Variants in RBMS3 observed in about 807,000 individuals in gnomAD.
RBMS3 encodes RNA-binding motif, single-stranded-interacting protein 3.
A neutral mutation model predicts 66.8 loss-of-function variants in RBMS3; 27 were observed. The ratio of observed to expected loss-of-function variants is 0.40; its 90% confidence interval spans 0.30 to 0.56. RBMS3 has a LOEUF of 0.56. RBMS3 is among the 20% of genes least tolerant of loss of function. The probability of loss-of-function intolerance (pLI) is 0.40; values close to 1 mark genes in which losing one functional copy is unlikely to be tolerated. For missense variants in RBMS3, 513 were observed against 549.5 expected (o/e 0.93, Z 0.66); for synonymous variants, 188 against 183.0 (o/e 1.03, Z -0.22).
At chr3:29,344,212 G>C (rs997226018) in intron 1 of RBMS3, among the ~76,000 whole-genome samples, 1 of 151,942 alleles carries the variant, frequency 6.6e-6, no homozygotes, top group Non-Finnish European at 1.5e-5. Context: ...TATTTGTAAG[G>C]AAAGCCTTTT....
chr3:29,838,549 C>T (rs962334771), intron 6 of RBMS3, among the ~76,000 whole-genome samples: 44 of 152,102 alleles, frequency 2.9e-4, no homozygotes, highest in African/African-American at 1.0e-3. Context: ...TAATAAGAAA[C>T]ATATTACCTT....
At chr3:29,622,419 A>G (rs1471167007) in intron 4 of RBMS3, among the ~76,000 whole-genome samples, 1 of 152,198 alleles carries the variant, frequency 6.6e-6, no homozygotes, top group African/African-American at 2.4e-5. Context: ...GAGAGTGTGC[A>G]TGGGCAATTA....
intron 1 of RBMS3, among the ~76,000 whole-genome samples, chr3:29,331,966 A>C (rs377180777): frequency 6.6e-6 from 1 of 151,780 alleles, no homozygotes; most frequent in African/African-American, 2.4e-5. Flanking sequence ...TGGACTGTGA[A>C]CTCTTTGGGG....
chr3:29,803,224 C>T (rs1456758948), intron 6 of RBMS3, among the ~76,000 whole-genome samples: 3 of 152,080 alleles, frequency 2.0e-5, no homozygotes, highest in Admixed American at 6.6e-5. Flanking sequence ...TTTTATTCTG[C>T]CACTTTCTTA....
At chr3:29,887,775 C>T (rs912323799) in intron 8 of RBMS3, among the ~76,000 whole-genome samples, 1 of 151,734 alleles carries the variant, frequency 6.6e-6, no homozygotes, top group Non-Finnish European at 1.5e-5. Flanking sequence ...AAATGTGGAA[C>T]TGAAGTTAGG....
At chr3:29,603,647 T>A (rs2048225202) in intron 4 of RBMS3, among the ~76,000 whole-genome samples, 1 of 152,000 alleles carries the variant, frequency 6.6e-6, no homozygotes, top group Admixed American at 6.6e-5. Flanking sequence ...TATTGATTCA[T>A]TCAGCATAAA....
intron 4 of RBMS3, among the ~76,000 whole-genome samples, chr3:29,737,894 A>AAG (rs3070728): frequency 0.55 from 81,464 of 148,300 alleles, 22,834 homozygotes; most frequent in African/African-American, 0.7. Flanking sequence ...GTGACAGAGA[A>AAG]AGAGAGGGAG....
chr3:29,684,851 T>A (rs914667143), intron 4 of RBMS3, among the ~76,000 whole-genome samples: 4 of 151,954 alleles, frequency 2.6e-5, no homozygotes, highest in Non-Finnish European at 5.9e-5. Flanking sequence ...ATGGTCTTTG[T>A]GTACAGAAAA....
chr3:29,894,629 C>T (rs1328614699), intron 8 of RBMS3, among the ~76,000 whole-genome samples: 1 of 151,518 alleles, frequency 6.6e-6, no homozygotes, highest in Non-Finnish European at 1.5e-5. Context: ...AAGACAACCA[C>T]AGTAGGGGTT....
chr3:29,612,753 A>C (rs1289133748), intron 4 of RBMS3, among the ~76,000 whole-genome samples: 1 of 152,250 alleles, frequency 6.6e-6, no homozygotes, highest in East Asian at 1.9e-4. Context: ...TTAGTAACAC[A>C]TGATTGCTTT....
chr3:29,746,770 GA>G lies in RBMS3; in HGVS notation c.557+6895del, dbSNP rs3836345. Reference sequence around the variant, plus strand: ...ATTGCATCAAATAACTTGTTATTCTGAAGTCTCCGAGACGGCAGTCTTGTTG... The same window carrying G: ...ATTGCATCAAATAACTTGTTATTCTGAGTCTCCGAGACGGCAGTCTTGTTG... On this transcript the variant is annotated intron_variant, in intron 5 of 14. Transcript: ENST00000383767. Among the ~76,000 whole-genome samples the G allele has an allele frequency of 4.1e-3, 622 of 152,238 alleles. 15 individuals carry two copies. Among genetic ancestry groups the G allele is most frequent in the Admixed American group, 0.035 (528 of 15,276 alleles).
At chr3:29,647,440 A>C (rs1050838526) in intron 4 of RBMS3, among the ~76,000 whole-genome samples, 1 of 152,250 alleles carries the variant, frequency 6.6e-6, no homozygotes, top group Non-Finnish European at 1.5e-5. Flanking sequence ...GCTACGATTC[A>C]AAGTTTTCCC....
chr3:29,319,667 A>G (rs1335385666), intron 1 of RBMS3, among the ~76,000 whole-genome samples: 2 of 152,004 alleles, frequency 1.3e-5, no homozygotes, highest in Non-Finnish European at 2.9e-5. Context: ...TTGCACAGTA[A>G]ATATGAAATT....
intron 6 of RBMS3, among the ~76,000 whole-genome samples, chr3:29,838,336 C>T (rs2058579999): frequency 6.6e-6 from 1 of 151,728 alleles, no homozygotes; most frequent in Non-Finnish European, 1.5e-5. Flanking sequence ...GAGACCCTGT[C>T]CAAAAATAAA....
chr3:29,425,332 C>A (rs1312607527), intron 1 of RBMS3, among the ~76,000 whole-genome samples: 1 of 151,494 alleles, frequency 6.6e-6, no homozygotes, highest in Non-Finnish European at 1.5e-5. Context: ...CGAGATTGTG[C>A]CATTGCACTC....
intron 2 of RBMS3, among the ~76,000 whole-genome samples, chr3:29,447,161 C>T (rs1222516181): frequency 6.6e-6 from 1 of 152,054 alleles, no homozygotes; most frequent in Non-Finnish European, 1.5e-5. Flanking sequence ...AATCTGCCCA[C>T]CTCAGCCCCC....
At chr3:29,828,982 CT>C (rs1232515555) in intron 6 of RBMS3, among the ~76,000 whole-genome samples, 1 of 10,224 alleles carries the variant, frequency 9.8e-5, no homozygotes, top group Non-Finnish European at 2.5e-4. Context: ...GAGTGACTTT[CT>C]TTCTTTCTTT....
intron 1 of RBMS3, among the ~76,000 whole-genome samples, chr3:29,298,054 C>T (rs1332186852): frequency 3.3e-5 from 5 of 151,798 alleles, no homozygotes; most frequent in Admixed American, 3.3e-4. Context: ...TGTTAATCTT[C>T]CTCCAATTAC....
chr3:29,661,099 G>T (rs1027790095), intron 4 of RBMS3, among the ~76,000 whole-genome samples: 3 of 152,194 alleles, frequency 2.0e-5, no homozygotes, highest in Non-Finnish European at 4.4e-5. Context: ...GGTGGGGAAT[G>T]GGTAGCTGCT....
Sources: allele counts gnomAD v4.1 joint callset (sites outside exome capture counted in the v4.1 genomes callset), GRCh38; gene constraint gnomAD v4.1.1; transcripts MANE v1.5; gene names NCBI Gene and HGNC (gene_info 2026-07-23, HGNC 2026-07-21).